The following ZER1 variants were observed in gnomAD, a reference collection of about 807,000 sequenced individuals.
ZER1 encodes zyg-11 related cell cycle regulator.
Under a neutral mutation model 78.8 loss-of-function variants are expected in ZER1, and 11 were observed. The observed-to-expected ratio is 0.14, with a 90% CI of 0.09 to 0.23. The LOEUF (loss-of-function observed/expected upper bound fraction) is 0.23, where lower values mean the gene tolerates loss of function less well. Ranked by LOEUF, ZER1 falls within the 10% of genes least tolerant of loss-of-function variation. The pLI is 1.00. For missense variants in ZER1, 588 were observed against 996.9 expected (o/e 0.59, Z 5.52); for synonymous variants, 400 against 407.0 (o/e 0.98, Z 0.21).
chr9:128,769,323 T>C (rs1363448750), intron 1 of ZER1, among the ~76,000 whole-genome samples: 1 of 152,248 alleles, frequency 6.6e-6, no homozygotes, highest in African/African-American at 2.4e-5. Context: ...CCGCTATGTA[T>C]TGAGCACTTT....
rs377352000 is a variant in ZER1, at chr9:128,759,171, TG to T, written c.-94-3513del. Among the ~76,000 whole-genome samples, 493 of 151,278 alleles carry T rather than the reference TG, an allele frequency of 3.3e-3. 7 individuals carry two copies. The East Asian group carries it at 0.033, about 10-fold the overall frequency. On this transcript the variant is annotated intron_variant, in intron 1 of 15. Transcript: ENST00000291900. ...GCCACCGCGCCCAGCCAGTGAATAT[TG>T]TTTTTTTTTTTCTTTTGAGACGGAG...
In ZER1 at chr9:128,754,100, C is replaced by A. The variant is rs1863780857; in HGVS notation, c.159-141G>T. On this transcript the variant is annotated intron_variant, in intron 2 of 15. Transcript: ENST00000291900. This position sits in a 1 kb window ranked among gnomAD's most constrained non-coding sequence, Gnocchi z 4.3. ...TTCTCCTAAGAGTATCTGGTCAGAT[C>A]CTGACTAAACTACCAGTAAGATTAA... The A allele has an allele frequency of 2.8e-6, 3 of 1,079,634 alleles. No individual in the cohort carries two copies. In the East Asian group the frequency reaches 7.8e-5, roughly 28 times the overall value. The allele number at this position is 1,079,634 out of a possible 1,614,324, so 66.9% of individuals were successfully genotyped here. A position where few individuals can be genotyped will look rare whatever the true frequency, so the allele number is the denominator to read the frequency against.
intron 14 of ZER1, among the ~76,000 whole-genome samples, chr9:128,734,389 G>T (rs763739896): frequency 1.3e-5 from 2 of 150,466 alleles, no homozygotes; most frequent in African/African-American, 2.4e-5. Flanking sequence ...TAGAGACGGG[G>T]TTTCACTATG....
At position 128,732,115 on chromosome 9, in the gene ZER1, G is replaced by A. The variant is rs1862848190; in HGVS notation, c.2244-721C>T. Among the ~76,000 whole-genome samples the A allele has an allele frequency of 6.6e-6, 1 of 152,204 alleles. No individual in the cohort carries two copies. The highest frequency in any genetic ancestry group is 2.4e-5 in the African/African-American group (1 of 41,448). On this transcript the variant is annotated intron_variant, in intron 15 of 15. Coordinates refer to ENST00000291900, the MANE Select transcript of ZER1 (RefSeq NM_006336.4). The surrounding 1 kb of genome is among the most constrained non-coding windows in gnomAD (Gnocchi z 4.8). Reference sequence around the variant, plus strand: ...ACCCAGAGTGGGAGAGAGGTCAGTGGACAGGCCGAGGGCCTTCTCCTAAGC... The same window carrying A: ...ACCCAGAGTGGGAGAGAGGTCAGTGAACAGGCCGAGGGCCTTCTCCTAAGC...
At position 128,751,028 on chromosome 9, in the gene ZER1, G is replaced by T; in HGVS notation, c.1185+94C>A. On this transcript the variant is annotated intron_variant, in intron 7 of 15. Transcript: ENST00000291900. This position sits in a 1 kb window ranked among gnomAD's most constrained non-coding sequence, Gnocchi z 5.4. ...CCTGGGGCCCTGGGGACAGGGTGCA[G>T]AAGGACACAGGCTCTGGGGACACGG... The T allele has an allele frequency of 6.7e-7, 1 of 1,492,992 alleles. No homozygotes were observed. The allele number at this position is 1,492,992 out of a possible 1,614,324, so 92.5% of individuals were successfully genotyped here.
chr9:128,764,071 C>T (rs1192985775), intron 1 of ZER1, among the ~76,000 whole-genome samples: 4 of 151,800 alleles, frequency 2.6e-5, no homozygotes, highest in African/African-American at 2.4e-5. Flanking sequence ...AAGGGGAAGG[C>T]GCTTTGGGAG....
In ZER1 at chr9:128,735,768, T is replaced by G. The variant is rs1341867353; in HGVS notation, c.2043-337A>C. ...AGAAGCACGTGTGACCTGGTTTTTTTTTTTTTTTTTTTTTTTTTTTTTTTT... is the reference window on the plus strand; with the variant it reads ...AGAAGCACGTGTGACCTGGTTTTTTGTTTTTTTTTTTTTTTTTTTTTTTTT... On this transcript the variant is annotated intron_variant, in intron 13 of 15. Coordinates refer to ENST00000291900, the MANE Select transcript of ZER1 (RefSeq NM_006336.4). 7.4e-3 allele frequency among the ~76,000 whole-genome samples: 833 copies of G among 112,564 alleles called. 151 individuals carry two copies. Among genetic ancestry groups the G allele is most frequent in the African/African-American group, 0.031 (783 of 25,230 alleles). 73.8% of individuals were successfully genotyped at this position (112,564 alleles called of 152,430 possible). A position where few individuals can be genotyped will look rare whatever the true frequency, so the allele number is the denominator to read the frequency against.
intron 1 of ZER1, among the ~76,000 whole-genome samples, chr9:128,765,212 TACACACACACACAC>T (rs60923356): frequency 1.9e-4 from 29 of 149,700 alleles, no homozygotes; most frequent in African/African-American, 3.9e-4. Context: ...CATGCACATG[TACACACACACACAC>T]ACACACACAC....
Position 128,741,792 on chromosome 9 carries a change from T to G in ZER1, c.1617+8A>C. On this transcript the variant is annotated splice_region_variant and intron_variant, in intron 10 of 15. Transcript: ENST00000291900. ...AGGGTAGCGTGGCTTCGTGAAGACT[T>G]GACTTACTGTCTTGTCCAGCAGCTT... is the stretch of plus-strand genomic sequence containing the variant. The G allele has an allele frequency of 6.2e-7, 1 of 1,614,164 alleles. No individual in the cohort carries two copies. Among genetic ancestry groups the G allele is most frequent in the Non-Finnish European group, 8.5e-7 (1 of 1,180,020 alleles).
chr9:128,770,409 C>T (rs1268221871), intron 1 of ZER1, among the ~76,000 whole-genome samples: 4 of 152,108 alleles, frequency 2.6e-5, no homozygotes, highest in African/African-American at 7.2e-5. Flanking sequence ...GGATTACAAG[C>T]GTGAGCCCTT....
intron 15 of ZER1, 163 bp downstream of exon 15, chr9:128,733,263 T>G (rs1318103236): frequency 3.6e-6 from 2 of 559,814 alleles, no homozygotes; most frequent in East Asian, 5.7e-5. Flanking sequence ...CGAGATGACA[T>G]TTGGAGAGGC....
chr9:128,749,870 C>T (rs1394111468), intron 8 of ZER1, among the ~76,000 whole-genome samples: 1 of 152,120 alleles, frequency 6.6e-6, no homozygotes, highest in African/African-American at 2.4e-5. Flanking sequence ...ATGGTAAAAT[C>T]CCATCTTTAC....
intron 13 of ZER1, among the ~76,000 whole-genome samples, chr9:128,736,853 A>AT (rs1387720774): frequency 6.6e-6 from 1 of 150,562 alleles, no homozygotes; most frequent in Non-Finnish European, 1.5e-5. Context: ...TTAAAAAAAA[A>AT]TTTTTTTTGG....
At chr9:128,738,676 C>T (rs758830859) in intron 13 of ZER1, among the ~76,000 whole-genome samples, 11 of 151,770 alleles carry the variant, frequency 7.2e-5, no homozygotes, top group East Asian at 3.9e-4. Context: ...TGAGCCACCG[C>T]GCCTGACCTT....
rs1863232805 is a variant in ZER1 at position 128,739,950 on chromosome 9, G to T, written c.2023C>A (p.Arg675=). ...AAIQSWDINS[R]RNINYRSFEP... is the part of the protein sequence containing the mutation. ...CCACACCTGTAATTGATGTTTCTCC[G>T]AGAGTTTATGTCCCAGCTCTGGATG... The change falls in exon 13 of 16, where the codon CGG becomes AGG. Residue 675 remains arginine, a synonymous_variant. Transcript: ENST00000291900. 1.2e-6 allele frequency: 2 copies of T among 1,609,246 alleles called. No individual in the cohort carries two copies. The highest frequency in any genetic ancestry group is 1.1e-5 in the South Asian group (1 of 90,992).
At chr9:128,739,882 A>C (rs1377724036) in intron 13 of ZER1, 49 bp downstream of exon 13, 1 of 1,573,976 alleles carries the variant, frequency 6.4e-7, no homozygotes, top group East Asian at 2.3e-5. Context: ...CCTGCCCAGC[A>C]CTTACCCCAT....
chr9:128,752,647 A>C, intron 5 of ZER1, 26 bp downstream of exon 5: 1 of 1,596,924 alleles, frequency 6.3e-7, no homozygotes, highest in South Asian at 1.1e-5. Context: ...ACACCCTACC[A>C]GTAGCCATGG....
chr9:128,748,775 T>C (rs1415748549), intron 8 of ZER1, among the ~76,000 whole-genome samples: 1 of 151,486 alleles, frequency 6.6e-6, no homozygotes, highest in African/African-American at 2.4e-5. Flanking sequence ...TTTCACCACG[T>C]TGGCCAGGCT....
intron 13 of ZER1, among the ~76,000 whole-genome samples, chr9:128,738,578 G>T (rs146486503): frequency 6.8e-6 from 1 of 146,856 alleles, no homozygotes; most frequent in Non-Finnish European, 1.5e-5. Context: ...GTAGAGGTGG[G>T]GTTTCACTGC....
Sources: allele counts gnomAD v4.1 joint callset (sites outside exome capture counted in the v4.1 genomes callset), GRCh38; gene constraint gnomAD v4.1.1; non-coding constraint Gnocchi (gnomAD v3.1); transcripts MANE v1.5; gene names NCBI Gene and HGNC (gene_info 2026-07-23, HGNC 2026-07-21).